Variants in OR5A1 observed in about 807,000 individuals in gnomAD.
OR5A1 encodes the protein olfactory receptor 5A1.
Under a neutral mutation model 6.7 loss-of-function variants are expected in OR5A1, and 6 were observed. That is an observed-to-expected ratio of 0.89 (90% confidence interval 0.49 to 1.76). The LOEUF is 1.76. Ranked by LOEUF, OR5A1 falls within the 40% of genes most tolerant of loss-of-function variation. The probability of loss-of-function intolerance (pLI) is 0.01; values close to 1 mark genes in which losing one functional copy is unlikely to be tolerated. For synonymous variants in OR5A1, 170 were observed against 155.0 expected, an observed-to-expected ratio of 1.10 and a Z score of -0.72; for missense variants, 378 against 381.7, an observed-to-expected ratio of 0.99 and a Z score of 0.08.
At chr11:59,436,868 A>G (rs1275831478) in intron 1 of OR5A1, 33 bp downstream of exon 1, 1 of 152,202 alleles carries the variant, frequency 6.6e-6, no homozygotes, top group Non-Finnish European at 1.5e-5. Context: ...CTTCATGCCC[A>G]TATTAATCTC....
At chr11:59,440,994 G>A (rs373213468) in intron 1 of OR5A1, among the ~76,000 whole-genome samples, 1 of 152,258 alleles carries the variant, frequency 6.6e-6, no homozygotes, top group Non-Finnish European at 1.5e-5. Flanking sequence ...GGGGAGAAAT[G>A]GGCCCCAATT....
Position 59,443,274 on chromosome 11 carries a change from G to A in OR5A1, c.106G>A (p.Gly36Ser). The change falls in exon 2 of 2, where the codon GGC becomes AGC. Residue 36 changes from glycine to serine, a missense_variant. Transcript: ENST00000641045. ...LQALLFVTFL[G>S]IYLTTLAWNL... ...GGCCCTCCTCTTTGTGACCTTCCTG[G>A]GCATCTATCTTACCACCCTGGCCTG... 6.2e-7 allele frequency: 1 copy of A among 1,613,706 alleles called. No homozygotes were observed. Among genetic ancestry groups the A allele is most frequent in the South Asian group, 1.1e-5 (1 of 91,054 alleles).
intron 1 of OR5A1, among the ~76,000 whole-genome samples, chr11:59,442,480 AAAT>A (rs1294554634): frequency 5.3e-5 from 8 of 152,172 alleles, no homozygotes; most frequent in South Asian, 2.1e-4. Flanking sequence ...TAAATAAATA[AAAT>A]AATAACTCAG....
Position 59,446,355 on chromosome 11 carries a change from T to G in OR5A1, c.*2239T>G, listed in dbSNP as rs1858549273. On this transcript the variant is annotated 3_prime_UTR_variant, in exon 2 of 2. Coordinates refer to ENST00000641045, the MANE Select transcript of OR5A1 (RefSeq NM_001004728.2). ...TTCTATTGGTCTACGTGTCTGTTTT[T>G]GTACAAGTACCATGTTGTTTTGGTT... 2 of 152,210 alleles carry G rather than the reference T, an allele frequency of 1.3e-5. No homozygotes were observed. The highest frequency in any genetic ancestry group is 6.5e-5 in the Admixed American group (1 of 15,272). The allele number at this position is 152,210 out of a possible 1,614,324, so 9.4% of individuals were successfully genotyped here. A position where few individuals can be genotyped will look rare whatever the true frequency, so the allele number is the denominator to read the frequency against.
At position 59,446,313 on chromosome 11, in the gene OR5A1, C is replaced by T. The variant is rs1377936027; in HGVS notation, c.*2197C>T. The T allele has an allele frequency of 6.6e-6, 1 of 152,154 alleles. No homozygotes were observed. The highest frequency in any genetic ancestry group is 6.6e-5 in the Admixed American group (1 of 15,264). The allele number at this position is 152,154 out of a possible 1,614,324, so 9.4% of individuals were successfully genotyped here. Reference sequence around the variant, plus strand: ...TGGTTGTAGATGTGCAGTCTTATTTCTGAGATCTCTATTGTGTTCTATTGG... The same window carrying T: ...TGGTTGTAGATGTGCAGTCTTATTTTTGAGATCTCTATTGTGTTCTATTGG... On this transcript the variant is annotated 3_prime_UTR_variant, in exon 2 of 2. Coordinates refer to ENST00000641045, the MANE Select transcript of OR5A1 (RefSeq NM_001004728.2).
In OR5A1 at chr11:59,451,116, T is replaced by A. The variant is rs1161485121; in HGVS notation, c.*7000T>A. 2.0e-5 allele frequency: 3 copies of A among 152,242 alleles called. No individual in the cohort carries two copies. Among genetic ancestry groups the A allele is most frequent in the Non-Finnish European group, 4.4e-5 (3 of 68,048 alleles). The allele number at this position is 152,242 out of a possible 1,614,324, so 9.4% of individuals were successfully genotyped here. On this transcript the variant is annotated 3_prime_UTR_variant, in exon 2 of 2. Coordinates refer to ENST00000641045, the MANE Select transcript of OR5A1 (RefSeq NM_001004728.2). ...ATGCTGCCTATGTGTGCACTCCTATTAATCATATGAAAGTGTCACTTTCCC... is the reference window on the plus strand; with the variant it reads ...ATGCTGCCTATGTGTGCACTCCTATAAATCATATGAAAGTGTCACTTTCCC...
chr11:59,441,938 TGATAGATAGATA>T (rs3033264), intron 1 of OR5A1, among the ~76,000 whole-genome samples: 5,114 of 148,084 alleles, frequency 0.035, 129 homozygotes, highest in African/African-American at 0.072. Flanking sequence ...GATAGAGAGA[TGATAGATAGATA>T]GATAGATAGA....
rs1341534940 is a variant in OR5A1, at chr11:59,445,649, C to T, written c.*1533C>T. 6.6e-6 allele frequency: 1 copy of T among 151,662 alleles called. No individual in the cohort carries two copies. The highest frequency in any genetic ancestry group is 1.9e-4 in the East Asian group (1 of 5,162). 9.4% of individuals were successfully genotyped at this position (151,662 alleles called of 1,614,324 possible). Reference sequence around the variant, plus strand: ...CAACAGTATAAAAGTGTTCCTATTTCTCCACAGCCTCGCCAGCATCTGTTG... The same window carrying T: ...CAACAGTATAAAAGTGTTCCTATTTTTCCACAGCCTCGCCAGCATCTGTTG... On this transcript the variant is annotated 3_prime_UTR_variant, in exon 2 of 2. Transcript: ENST00000641045.
chr11:59,440,711 A>G (rs530984146), intron 1 of OR5A1, among the ~76,000 whole-genome samples: 1 of 152,196 alleles, frequency 6.6e-6, no homozygotes, highest in South Asian at 2.1e-4. Context: ...GATTATGCCA[A>G]AGTTTGTTGC....
rs1333408310 is a variant in OR5A1 at position 59,446,905 on chromosome 11, C to G, written c.*2789C>G. On this transcript the variant is annotated 3_prime_UTR_variant, in exon 2 of 2. Transcript: ENST00000641045. ...CATATCTGGAAGAACATAAACAATGCATAGGAAAGCAGAGATCCCTTCTCA... is the reference window on the plus strand; with the variant it reads ...CATATCTGGAAGAACATAAACAATGGATAGGAAAGCAGAGATCCCTTCTCA... 6.6e-6 allele frequency: 1 copy of G among 152,194 alleles called. No homozygotes were observed. Among genetic ancestry groups the G allele is most frequent in the African/African-American group, 2.4e-5 (1 of 41,442 alleles). 9.4% of individuals were successfully genotyped at this position (152,194 alleles called of 1,614,324 possible). A position where few individuals can be genotyped will look rare whatever the true frequency, so the allele number is the denominator to read the frequency against.
rs1173782860 is a variant in OR5A1, at chr11:59,447,841, G to A, written c.*3725G>A. 6.6e-5 allele frequency: 10 copies of A among 152,126 alleles called. No homozygotes were observed. Among genetic ancestry groups the A allele is most frequent in the African/African-American group, 2.4e-4 (10 of 41,408 alleles). 9.4% of individuals were successfully genotyped at this position (152,126 alleles called of 1,614,324 possible). A position where few individuals can be genotyped will look rare whatever the true frequency, so the allele number is the denominator to read the frequency against. ...CCTGTTGCACTAATTGCGTAGATGA[G>A]AGAAAATCAGACTACATGCTCCCTG... On this transcript the variant is annotated 3_prime_UTR_variant, in exon 2 of 2. Transcript: ENST00000641045.
At position 59,450,792 on chromosome 11, in the gene OR5A1, T is replaced by C. The variant is rs1858607302; in HGVS notation, c.*6676T>C. On this transcript the variant is annotated 3_prime_UTR_variant, in exon 2 of 2. Transcript: ENST00000641045. ...GTGACATATTCAGTGTTTTAATCTG[T>C]CACTAAAAAGAAATCTTTCCATGTT... 1 of 152,218 alleles carries C rather than the reference T, an allele frequency of 6.6e-6. No individual in the cohort carries two copies. Among genetic ancestry groups the C allele is most frequent in the Non-Finnish European group, 1.5e-5 (1 of 68,040 alleles). 9.4% of individuals were successfully genotyped at this position (152,218 alleles called of 1,614,324 possible).
rs1858560771 is a variant in OR5A1 at position 59,447,242 on chromosome 11, T to C, written c.*3126T>C. On this transcript the variant is annotated 3_prime_UTR_variant, in exon 2 of 2. Transcript: ENST00000641045. ...GGGAGGTTTTATAGTGGCAGCCAAATATACCACCCAGGGAAAATACTAGAG... is the reference window on the plus strand; with the variant it reads ...GGGAGGTTTTATAGTGGCAGCCAAACATACCACCCAGGGAAAATACTAGAG... 1 of 152,158 alleles carries C rather than the reference T, an allele frequency of 6.6e-6. No individual in the cohort carries two copies. The highest frequency in any genetic ancestry group is 2.4e-5 in the African/African-American group (1 of 41,444). 9.4% of individuals were successfully genotyped at this position (152,158 alleles called of 1,614,324 possible). A position where few individuals can be genotyped will look rare whatever the true frequency, so the allele number is the denominator to read the frequency against.
At position 59,443,991 on chromosome 11, in the gene OR5A1, A is replaced by G. The variant is rs757734300; in HGVS notation, c.823A>G (p.Lys275Glu). ...PSSSYLLGRDKVVSVFYSLVI... is the reference protein window; with the variant it reads ...PSSSYLLGRDEVVSVFYSLVI... ...CTCCAGCTACTTGCTAGGCAGGGAC[A>G]AGGTGGTGTCTGTTTTCTATTCATT... Residue 275 changes from lysine (K) to glutamate (E), a missense_variant, in exon 2 of 2, where the codon AAG (lysine) becomes GAG (glutamate). Coordinates refer to ENST00000641045, the MANE Select transcript of OR5A1 (RefSeq NM_001004728.2). 5.6e-6 allele frequency: 9 copies of G among 1,613,974 alleles called. No individual in the cohort carries two copies. The African/African-American group carries it at 1.1e-4, about 19-fold the overall frequency.
Position 59,443,946 on chromosome 11 carries a change from T to A in OR5A1, c.778T>A (p.Phe260Ile), listed in dbSNP as rs150022708. 124 of 1,614,074 alleles carry A rather than the reference T, an allele frequency of 7.7e-5. 1 individual carries two copies. The African/African-American group carries it at 1.3e-3, about 16-fold the overall frequency. ...GACTCTGCTGTTTGGGACAGCCCTT[T>A]TCGTGTACTTGCGACCCAGCTCCAG... is the stretch of plus-strand genomic sequence containing the variant. ...VVTLLFGTAL[F>I]VYLRPSSSYL... The change falls in exon 2 of 2, where the codon TTC becomes ATC. Residue 260 changes from phenylalanine to isoleucine, a missense_variant. Physicochemically the swap from Phe to Ile is conservative, Grantham distance 21 (BLOSUM62 0). Transcript: ENST00000641045.
rs1202628711 is a variant in OR5A1, at chr11:59,444,290, G to C, written c.*174G>C. On this transcript the variant is annotated 3_prime_UTR_variant, in exon 2 of 2. Transcript: ENST00000641045. ...TCACTTGTCTACTGACTGTGCCATA[G>C]ATAGCCAAAAAGGGAAGGAATTTCT... The C allele has an allele frequency of 1.3e-5, 2 of 153,110 alleles. No individual in the cohort carries two copies. The highest frequency in any genetic ancestry group is 2.5e-5 in the Non-Finnish European group (2 of 81,130). 9.5% of individuals were successfully genotyped at this position (153,110 alleles called of 1,614,324 possible).
rs918338124 is a variant in OR5A1 at position 59,444,932 on chromosome 11, TATCA to T, written c.*817_*820del. ...CTCAGTCTCAGTCCCCTAAACTGCC[TATCA>T]GTCAGTACCTCCTTGATTTTTCTTT... is the stretch of plus-strand genomic sequence containing the variant. On this transcript the variant is annotated 3_prime_UTR_variant, in exon 2 of 2. Transcript: ENST00000641045. 20 of 152,244 alleles carry T rather than the reference TATCA, an allele frequency of 1.3e-4. No homozygotes were observed. The allele number at this position is 152,244 out of a possible 1,614,324, so 9.4% of individuals were successfully genotyped here.
In OR5A1 at chr11:59,450,029, A is replaced by G. The variant is rs553215846; in HGVS notation, c.*5913A>G. The G allele has an allele frequency of 6.6e-6, 1 of 152,344 alleles. No individual in the cohort carries two copies. The highest frequency in any genetic ancestry group is 1.5e-5 in the Non-Finnish European group (1 of 68,046). The allele number at this position is 152,344 out of a possible 1,614,324, so 9.4% of individuals were successfully genotyped here. ...TTATCACAAGCAAGCCTCACTATGC[A>G]AAGTAAGGTGTATGTTCCCCATTTC... is the stretch of plus-strand genomic sequence containing the variant. On this transcript the variant is annotated 3_prime_UTR_variant, in exon 2 of 2. Transcript: ENST00000641045.
At position 59,444,229 on chromosome 11, in the gene OR5A1, C is replaced by T. The variant is rs1420474238; in HGVS notation, c.*113C>T. The T allele has an allele frequency of 4.6e-6, 3 of 654,586 alleles. No homozygotes were observed. Among genetic ancestry groups the T allele is most frequent in the South Asian group, 1.9e-5 (1 of 51,528 alleles). 40.5% of individuals were successfully genotyped at this position (654,586 alleles called of 1,614,324 possible). The stretch of plus-strand genomic sequence containing the variant: ...TATTTGGTGCTCTCATTTGTGGAGA[C>T]TCTTCCCTCCAGATTCCTCTCACCC... On this transcript the variant is annotated 3_prime_UTR_variant, in exon 2 of 2. Coordinates refer to ENST00000641045, the MANE Select transcript of OR5A1 (RefSeq NM_001004728.2).
Sources: gnomAD v4.1 joint callset for allele counts (sites outside exome capture counted in the v4.1 genomes callset) on GRCh38, gnomAD v4.1.1 for gene constraint, MANE v1.5 for transcripts, NCBI Gene and HGNC (gene_info 2026-07-23, HGNC 2026-07-21) for gene names.